LRP1B: variants seen among roughly 807,000 people sequenced by gnomAD.
The protein encoded by LRP1B is low-density lipoprotein receptor-related protein 1B.
In LRP1B, 217 loss-of-function variants were observed where a neutral mutation model predicts 556.6. The ratio of observed to expected loss-of-function variants is 0.39; its 90% CI spans 0.35 to 0.44. The LOEUF is 0.44. Among genes scored for constraint, LRP1B ranks in the 20% least tolerant of loss-of-function variants. The pLI, the probability that LRP1B is intolerant of heterozygous loss-of-function variation, is 1.00. For synonymous variants in LRP1B, 2,047 were observed against 1,865.8 expected (o/e 1.10, Z -2.50); for missense variants, 5,053 against 5,620.8 (o/e 0.90, Z 3.23).
intron 2 of LRP1B, among the ~76,000 whole-genome samples, chr2:141,530,849 A>T (rs991662324): frequency 6.6e-6 from 1 of 151,164 alleles, no homozygotes; most frequent in Non-Finnish European, 1.5e-5. Context: ...AGGAATAAAG[A>T]AAGTTCAGTA....
At position 141,379,443 on chromosome 2, in the gene LRP1B, C is replaced by T. The variant is rs367803343; in HGVS notation, c.343+100953G>A. On this transcript the variant is annotated intron_variant, in intron 3 of 90. Coordinates refer to ENST00000389484, the MANE Select transcript of LRP1B (RefSeq NM_018557.3). ...GACTCTTCCATTACCCATGAATGCA[C>T]CAAATACAGAGCTACACGTAGTTCA... Among the ~76,000 whole-genome samples the T allele has an allele frequency of 4.5e-4, 69 of 152,222 alleles. 1 individual carries two copies. The highest frequency in any genetic ancestry group is 3.4e-3 in the Middle Eastern group (1 of 294).
chr2:140,929,983 C>A (rs534273357), intron 20 of LRP1B, among the ~76,000 whole-genome samples: 20 of 152,172 alleles, frequency 1.3e-4, no homozygotes, highest in Admixed American at 3.3e-4. Flanking sequence ...TTGAAATCCG[C>A]TTCTGTTAAC....
chr2:141,153,440 T>G (rs1479518135), intron 7 of LRP1B, among the ~76,000 whole-genome samples: 1 of 122,656 alleles, frequency 8.2e-6, no homozygotes, highest in Non-Finnish European at 1.6e-5. Context: ...TATAATATAT[T>G]ATATATTAGC....
At position 140,659,317 on chromosome 2, in the gene LRP1B, A is replaced by G. The variant is rs150986323; in HGVS notation, c.6799+40933T>C. Among the ~76,000 whole-genome samples the G allele has an allele frequency of 2.1e-4, 32 of 151,966 alleles. No homozygotes were observed. In the East Asian group the frequency reaches 5.8e-3, roughly 28 times the overall value. On this transcript the variant is annotated intron_variant, in intron 41 of 90. Coordinates refer to ENST00000389484, the MANE Select transcript of LRP1B (RefSeq NM_018557.3). ...ATTTTTCAGCAATTTAGACATATGG[A>G]ATGATACTACCCTGTGTACATAAGC... is the stretch of plus-strand genomic sequence containing the variant.
chr2:140,591,437 G>A (rs921129440), intron 43 of LRP1B, among the ~76,000 whole-genome samples: 4 of 152,170 alleles, frequency 2.6e-5, no homozygotes, highest in Non-Finnish European at 4.4e-5. Context: ...TGTATTTGAG[G>A]CATGTGAGAC....
intron 2 of LRP1B, among the ~76,000 whole-genome samples, chr2:141,769,278 T>C (rs1052153612): frequency 2.0e-5 from 3 of 152,228 alleles, no homozygotes; most frequent in African/African-American, 7.2e-5. Context: ...TCTGCTCCAC[T>C]GTGCAAACAA....
intron 9 of LRP1B, among the ~76,000 whole-genome samples, chr2:141,057,718 A>C (rs1699219537): frequency 6.6e-6 from 1 of 151,882 alleles, no homozygotes; most frequent in Admixed American, 6.6e-5. Context: ...GCCATGTGGA[A>C]CTGTAAGTCC....
At chr2:141,555,391 T>C (rs1685924679) in intron 2 of LRP1B, among the ~76,000 whole-genome samples, 1 of 151,890 alleles carries the variant, frequency 6.6e-6, no homozygotes, top group Non-Finnish European at 1.5e-5. Context: ...ATCTAACCAA[T>C]ATTTACTGAG....
chr2:140,385,866 A>G (rs1683736376), intron 67 of LRP1B, 27 bp downstream of exon 67: 1 of 1,507,176 alleles, frequency 6.6e-7, no homozygotes, highest in Admixed American at 1.7e-5. Flanking sequence ...GTCAAGCTCA[A>G]AACATTATTA....
intron 2 of LRP1B, among the ~76,000 whole-genome samples, chr2:141,579,190 C>T (rs1332206290): frequency 6.7e-6 from 1 of 148,428 alleles, no homozygotes. Flanking sequence ...ACAAACTATC[C>T]CGGTACAAGC....
In LRP1B at chr2:140,702,155, GA is replaced by G; in HGVS notation, c.6287del (p.Ile2096ThrfsTer25). ...AAATAAATTACCTGTCAGACCAGTA[GA>G]TGTAAGCCCCAAAGACTGCAACTGA... ...MFSVAVFGAY[I>X]YWSDRAHANG... is the part of the protein sequence containing the mutation. On this transcript the variant is annotated frameshift_variant, in exon 39 of 91. Transcript: ENST00000389484. LOFTEE classifies it high-confidence loss of function. 6.2e-7 allele frequency: 1 copy of G among 1,613,186 alleles called. No homozygotes were observed. Among genetic ancestry groups the G allele is most frequent in the Non-Finnish European group, 8.5e-7 (1 of 1,179,554 alleles).
chr2:140,243,557 T>C (rs1287142013), intron 87 of LRP1B, among the ~76,000 whole-genome samples: 1 of 151,146 alleles, frequency 6.6e-6, no homozygotes, highest in Non-Finnish European at 1.5e-5. Context: ...AAATGTAGAG[T>C]ATATATATTT....
At chr2:140,273,011 G>A (rs1285962801) in intron 85 of LRP1B, among the ~76,000 whole-genome samples, 2 of 151,886 alleles carry the variant, frequency 1.3e-5, no homozygotes, top group Non-Finnish European at 2.9e-5. Context: ...TATAGCAAGC[G>A]ATACTGAGGG....
At chr2:141,303,186 TG>T (rs1686459695) in intron 3 of LRP1B, among the ~76,000 whole-genome samples, 2 of 152,118 alleles carry the variant, frequency 1.3e-5, no homozygotes, top group African/African-American at 4.8e-5. Flanking sequence ...TATGGAGTAT[TG>T]TGATATTTTG....
intron 1 of LRP1B, among the ~76,000 whole-genome samples, chr2:141,831,823 A>C (rs886445644): frequency 2.6e-5 from 4 of 151,716 alleles, no homozygotes; most frequent in Admixed American, 6.6e-5. Flanking sequence ...ATTTCAGAAC[A>C]AAAAATTGGG....
chr2:141,431,726 T>C (rs1159599878), intron 3 of LRP1B, among the ~76,000 whole-genome samples: 1 of 152,116 alleles, frequency 6.6e-6, no homozygotes, highest in Non-Finnish European at 1.5e-5. Context: ...AATATCTGAT[T>C]TTTAAAATAT....
Position 140,335,667 on chromosome 2 carries a change from A to G in LRP1B, c.12064T>C (p.Leu4022=), listed in dbSNP as rs185506429. ...QLNGPNCTRL[L]TNMAGEPYAI... ...TAGGGTTCTCCAGCCATATTTGTTA[A>G]GAGTCTGGTGCAGTTGGGGCCATTC... is the stretch of plus-strand genomic sequence containing the variant. Residue 4022 remains leucine, a synonymous_variant, in exon 78 of 91, where the codon TTA becomes CTA. Coordinates refer to ENST00000389484, the MANE Select transcript of LRP1B (RefSeq NM_018557.3). 1.1e-5 allele frequency: 18 copies of G among 1,612,826 alleles called. No homozygotes were observed. In the Admixed American group the frequency reaches 2.7e-4, roughly 24 times the overall value.
chr2:140,845,428 C>A (rs1168008409), intron 29 of LRP1B, among the ~76,000 whole-genome samples: 1 of 152,056 alleles, frequency 6.6e-6, no homozygotes, highest in African/African-American at 2.4e-5. Flanking sequence ...AAATTCAAGT[C>A]TTCTGTAAAA....
chr2:140,513,479 A>C (rs1242485302), intron 51 of LRP1B, among the ~76,000 whole-genome samples: 1 of 127,972 alleles, frequency 7.8e-6, no homozygotes, highest in Non-Finnish European at 1.7e-5. Context: ...ACAGACAGTC[A>C]TCTAATTGAT....
Sources: gnomAD v4.1 joint callset for allele counts (sites outside exome capture counted in the v4.1 genomes callset) on GRCh38, gnomAD v4.1.1 for gene constraint, MANE v1.5 for transcripts, NCBI Gene and HGNC (gene_info 2026-07-23, HGNC 2026-07-21) for gene names.